CLSTN2: variants seen among roughly 807,000 people sequenced by gnomAD.
CLSTN2 encodes calsyntenin-2.
In CLSTN2, 48 loss-of-function variants were observed where a neutral mutation model predicts 101.2. The ratio of observed to expected loss-of-function variants is 0.47; its 90% CI spans 0.38 to 0.60. The LOEUF is 0.60. Among genes scored for constraint, CLSTN2 ranks in the 20% least tolerant of loss-of-function variants. The pLI is 0.00. For synonymous variants in CLSTN2, 481 were observed against 463.6 expected (o/e 1.04, Z -0.48); for missense variants, 1,160 against 1,238.2 (o/e 0.94, Z 0.95).
chr3:140,154,782 C>T (rs1182308293), intron 1 of CLSTN2, among the ~76,000 whole-genome samples: 1 of 151,532 alleles, frequency 6.6e-6, no homozygotes, highest in Middle Eastern at 3.4e-3. Context: ...ATAGCTGGGA[C>T]TACAGGCACC....
intron 1 of CLSTN2, among the ~76,000 whole-genome samples, chr3:139,994,464 G>A (rs1312619536): frequency 6.6e-6 from 1 of 152,138 alleles, no homozygotes; most frequent in Non-Finnish European, 1.5e-5. Flanking sequence ...TTCTGATTTT[G>A]TGCTCACTCC....
intron 8 of CLSTN2, among the ~76,000 whole-genome samples, chr3:140,515,805 G>A (rs1387043570): frequency 6.6e-6 from 1 of 151,982 alleles, no homozygotes; most frequent in Non-Finnish European, 1.5e-5. Context: ...CTTGGAGAAT[G>A]TTCCATGTGC....
At chr3:140,199,640 C>G (rs1184393035) in intron 2 of CLSTN2, among the ~76,000 whole-genome samples, 1 of 152,048 alleles carries the variant, frequency 6.6e-6, no homozygotes, top group Non-Finnish European at 1.5e-5. Context: ...TTTTTTCTTT[C>G]AATCTCTTTC....
chr3:140,299,647 T>C (rs9858663), intron 2 of CLSTN2, among the ~76,000 whole-genome samples: 27,720 of 152,102 alleles, frequency 0.18, 2,952 homozygotes, highest in East Asian at 0.48. Context: ...TCTTTGGCTA[T>C]TGACTTACAT....
chr3:140,552,895 A>C (rs1420481094), intron 10 of CLSTN2, among the ~76,000 whole-genome samples: 1 of 152,084 alleles, frequency 6.6e-6, no homozygotes, highest in Non-Finnish European at 1.5e-5. Flanking sequence ...GAGCAGAAAA[A>C]CCTTTTAAAA....
intron 6 of CLSTN2, among the ~76,000 whole-genome samples, chr3:140,454,038 G>A (rs1036544691): frequency 1.3e-5 from 2 of 152,186 alleles, no homozygotes; most frequent in African/African-American, 4.8e-5. Flanking sequence ...GCCTCCATTC[G>A]CAGAGAGATG....
At chr3:140,150,753 CTT>C (rs2009852352) in intron 1 of CLSTN2, among the ~76,000 whole-genome samples, 1 of 151,956 alleles carries the variant, frequency 6.6e-6, no homozygotes, top group Non-Finnish European at 1.5e-5. Flanking sequence ...TTTTTCTTCT[CTT>C]TCACTGATAT....
At chr3:140,364,918 T>C (rs187325214) in intron 2 of CLSTN2, among the ~76,000 whole-genome samples, 30 of 152,222 alleles carry the variant, frequency 2.0e-4, no homozygotes, top group Non-Finnish European at 3.8e-4. Context: ...TTACAGAATG[T>C]AATGGTCCAA....
At chr3:140,076,452 TA>T (rs2008491223) in intron 1 of CLSTN2, among the ~76,000 whole-genome samples, 1 of 151,970 alleles carries the variant, frequency 6.6e-6, no homozygotes, top group Non-Finnish European at 1.5e-5. Flanking sequence ...AGTGCTCCTA[TA>T]GTTAAAGCAG....
rs2088502819 is a variant in CLSTN2 at position 140,421,241 on chromosome 3, G to A, written c.754G>A (p.Asp252Asn). The change falls in exon 5 of 17, where the codon GAT (aspartate) becomes AAT (asparagine). Residue 252 changes from aspartate to asparagine, a missense_variant. By Grantham distance (23) the Asp-to-Asn change is conservative (BLOSUM62 1). Coordinates refer to ENST00000458420, the MANE Select transcript of CLSTN2 (RefSeq NM_022131.3). ...TGCTCAGGACACCCTGGTGCAGGTG[G>A]ATGTGAAGCCAGTTTGCAAGCCTGG... ...PAAQDTLVQV[D>N]VKPVCKPGWQ... 1 of 1,614,176 alleles carries A rather than the reference G, an allele frequency of 6.2e-7. No individual in the cohort carries two copies. Among genetic ancestry groups the A allele is most frequent in the East Asian group, 2.2e-5 (1 of 44,886 alleles).
At chr3:140,058,865 G>T (rs2107771769) in intron 1 of CLSTN2, among the ~76,000 whole-genome samples, 3 of 152,276 alleles carry the variant, frequency 2.0e-5, no homozygotes, top group Non-Finnish European at 4.4e-5. Context: ...CCTGCGAAAG[G>T]CAGGAAAGCC....
At position 140,546,532 on chromosome 3, in the gene CLSTN2, CCA is replaced by C. The variant is rs1407065315; in HGVS notation, c.1528_1529del (p.Gln510ValfsTer38). 7 of 1,613,868 alleles carry C rather than the reference CCA, an allele frequency of 4.3e-6. No individual in the cohort carries two copies. The highest frequency in any genetic ancestry group is 1.3e-5 in the African/African-American group (1 of 74,924). On this transcript the variant is annotated frameshift_variant, in exon 10 of 17. Transcript: ENST00000458420. LOFTEE classifies it high-confidence loss of function. ...TTTTTCAGGAGGAGAAGTCACCAAA[CCA>C]CAGTTTGCTCAGTTCTTTCATGGAA... is the stretch of plus-strand genomic sequence containing the variant. ...ACWQGGEVTK[P>X]QFAQFFHGSL...
chr3:140,233,632 A>G (rs548860411), intron 2 of CLSTN2, among the ~76,000 whole-genome samples: 1 of 152,218 alleles, frequency 6.6e-6, no homozygotes, highest in Admixed American at 6.5e-5. Context: ...TAATGGGCCA[A>G]GTTTTCCCTG....
At chr3:140,023,106 C>A (rs944925526) in intron 1 of CLSTN2, among the ~76,000 whole-genome samples, 1 of 152,158 alleles carries the variant, frequency 6.6e-6, no homozygotes, top group Non-Finnish European at 1.5e-5. Context: ...CTGGACACTG[C>A]CACTCACCCA....
chr3:140,540,391 TC>T (rs1310344941), intron 9 of CLSTN2, among the ~76,000 whole-genome samples: 1 of 152,182 alleles, frequency 6.6e-6, no homozygotes, highest in Non-Finnish European at 1.5e-5. Flanking sequence ...TGTGTGAGCA[TC>T]CCCCGGGATT....
chr3:139,965,655 C>T (rs1362778253), intron 1 of CLSTN2, among the ~76,000 whole-genome samples: 1 of 152,212 alleles, frequency 6.6e-6, no homozygotes, highest in African/African-American at 2.4e-5. Context: ...AGGCTTCCAA[C>T]CTCAAAGCTG....
chr3:140,397,952 A>G (rs950285221), intron 2 of CLSTN2, among the ~76,000 whole-genome samples: 11 of 59,686 alleles, frequency 1.8e-4, no homozygotes, highest in African/African-American at 3.9e-4. Context: ...ATGCATTAAT[A>G]TCACTACCCA....
chr3:140,010,446 T>C (rs990852181), intron 1 of CLSTN2, among the ~76,000 whole-genome samples: 1 of 152,226 alleles, frequency 6.6e-6, no homozygotes, highest in Non-Finnish European at 1.5e-5. Flanking sequence ...TGCCTTGTTG[T>C]CTGGCAGGCG....
chr3:139,952,724 T>C lies in CLSTN2; in HGVS notation c.109+17241T>C, dbSNP rs543034508. Among the ~76,000 whole-genome samples the C allele has an allele frequency of 2.0e-5, 3 of 152,328 alleles. No individual in the cohort carries two copies. The South Asian group carries it at 6.2e-4, about 32-fold the overall frequency. ...AGGATAAATTCAGGCCTTTGCTACC[T>C]GTTCGTTTCCCATTTCACCGTCGTC... On this transcript the variant is annotated intron_variant, in intron 1 of 16. Coordinates refer to ENST00000458420, the MANE Select transcript of CLSTN2 (RefSeq NM_022131.3).
Sources: allele counts gnomAD v4.1 joint callset (sites outside exome capture counted in the v4.1 genomes callset), GRCh38; gene constraint gnomAD v4.1.1; transcripts MANE v1.5; gene names NCBI Gene and HGNC (gene_info 2026-07-23, HGNC 2026-07-21).